Variants in OPHN1 observed in about 807,000 individuals in gnomAD.
The protein encoded by OPHN1 is oligophrenin 1.
A neutral mutation model predicts 60.7 loss-of-function variants in OPHN1; 11 were observed. That is an observed-to-expected ratio of 0.18 (90% CI 0.11 to 0.30). The LOEUF is 0.30. OPHN1 is among the 10% of genes least tolerant of loss of function. The pLI is 1.00. For synonymous variants in OPHN1, 226 were observed against 222.6 expected (o/e 1.02, Z -0.14); for missense variants, 449 against 611.0 (o/e 0.73, Z 2.80).
intron 15 of OPHN1, among the ~76,000 whole-genome samples, chrX:68,131,627 C>T (rs913488310): frequency 9.0e-6 from 1 of 111,694 alleles, no homozygotes; most frequent in Non-Finnish European, 1.9e-5. Context: ...AAAATACAGG[C>T]GATGTATATA....
At chrX:68,136,943 C>T (rs895135655) in intron 15 of OPHN1, among the ~76,000 whole-genome samples, 17 of 111,804 alleles carry the variant, frequency 1.5e-4, no homozygotes, top group Admixed American at 1.5e-3. Flanking sequence ...TGAGGAAGTG[C>T]ATATGGGAAG....
At chrX:68,306,189 A>G (rs187097169) in intron 2 of OPHN1, among the ~76,000 whole-genome samples, 73 of 111,552 alleles carry the variant, frequency 6.5e-4, no homozygotes, top group African/African-American at 2.3e-3. Context: ...AATGCATCCA[A>G]ATATTGGCTT....
At chrX:68,115,851 G>T (rs2077124753) in intron 16 of OPHN1, among the ~76,000 whole-genome samples, 1 of 111,986 alleles carries the variant, frequency 8.9e-6, no homozygotes, top group Admixed American at 9.4e-5. Context: ...CAGCCCTCAG[G>T]AGGTCCTGAG....
At chrX:68,306,590 C>T (rs2078146136) in intron 2 of OPHN1, among the ~76,000 whole-genome samples, 1 of 111,857 alleles carries the variant, frequency 8.9e-6, no homozygotes, top group Non-Finnish European at 1.9e-5. Flanking sequence ...AAAATAATGT[C>T]CAGTATAAAG....
At chrX:68,186,071 T>C (rs1011347049) in intron 15 of OPHN1, among the ~76,000 whole-genome samples, 13 of 111,149 alleles carry the variant, frequency 1.2e-4, no homozygotes, top group Non-Finnish European at 9.4e-5. Context: ...CCAGTGAGGA[T>C]CAACAGAATC....
At chrX:68,252,968 T>C (rs962484845) in intron 5 of OPHN1, among the ~76,000 whole-genome samples, 5 of 110,826 alleles carry the variant, frequency 4.5e-5, no homozygotes, top group Non-Finnish European at 5.7e-5. Context: ...TCCTCGAAGA[T>C]TGCTGTGCCT....
At chrX:68,200,435 C>T (rs2077530493) in intron 11 of OPHN1, among the ~76,000 whole-genome samples, 1 of 111,416 alleles carries the variant, frequency 9.0e-6, no homozygotes. Flanking sequence ...CTGTTTGCAA[C>T]TGCTTGAGTT....
chrX:68,067,883 G>C (rs1394590186), intron 20 of OPHN1, among the ~76,000 whole-genome samples: 2 of 111,803 alleles, frequency 1.8e-5, no homozygotes, highest in Admixed American at 1.9e-4. Context: ...GTTATAGGAA[G>C]TGTGATATTA....
At chrX:68,189,340 T>C (rs758857353) in intron 15 of OPHN1, among the ~76,000 whole-genome samples, 1 of 112,398 alleles carries the variant, frequency 8.9e-6, no homozygotes, top group African/African-American at 3.2e-5. Context: ...ACTCTTTTTT[T>C]ATGATTTAAA....
chrX:68,063,407 G>C (rs750880126), intron 21 of OPHN1, among the ~76,000 whole-genome samples: 2 of 109,627 alleles, frequency 1.8e-5, no homozygotes, highest in African/African-American at 6.6e-5. Context: ...TGTAGTCCCA[G>C]CTACTCAGGA....
chrX:68,320,738 G>A (rs2078231524), intron 2 of OPHN1, among the ~76,000 whole-genome samples: 1 of 110,791 alleles, frequency 9.0e-6, no homozygotes, highest in African/African-American at 3.3e-5. Flanking sequence ...TGGGGGCTCG[G>A]TACCACAACA....
rs536490670 is a variant in OPHN1, at chrX:68,396,267, CA to C, written c.154+36599del. Among the ~76,000 whole-genome samples, 273 of 64,672 alleles carry C rather than the reference CA, an allele frequency of 4.2e-3. 2 individuals are homozygous for C. Among genetic ancestry groups the C allele is most frequent in the African/African-American group, 6.9e-3 (119 of 17,160 alleles). 56.2% of individuals were successfully genotyped at this position (64,672 alleles called of 115,157 possible). A position where few individuals can be genotyped will look rare whatever the true frequency, so the allele number is the denominator to read the frequency against. ...GGGAAACATAGTGAGGCTGTCTCTA[CA>C]AAAAAAAAAAAAATAGCCTGGCACG... On this transcript the variant is annotated intron_variant, in intron 2 of 24. Transcript: ENST00000355520.
rs188963368 is a variant in OPHN1 at position 68,182,059 on chromosome X, G to A, written c.1276+10860C>T. Among the ~76,000 whole-genome samples, 110 of 110,933 alleles carry A rather than the reference G, an allele frequency of 9.9e-4. 1 individual carries two copies. Among genetic ancestry groups the A allele is most frequent in the Middle Eastern group, 4.6e-3 (1 of 216 alleles). Reference sequence around the variant, plus strand: ...TGGCTTGATAGTGGTAGGATCTCCCGGACGACTGGTGGGTACATATGGACA... The same window carrying A: ...TGGCTTGATAGTGGTAGGATCTCCCAGACGACTGGTGGGTACATATGGACA... On this transcript the variant is annotated intron_variant, in intron 15 of 24. Coordinates refer to ENST00000355520, the MANE Select transcript of OPHN1 (RefSeq NM_002547.3).
intron 7 of OPHN1, among the ~76,000 whole-genome samples, 154 bp from the exon 8 acceptor site, chrX:68,212,366 C>T (rs1248802368): frequency 9.0e-6 from 1 of 111,506 alleles, no homozygotes; most frequent in East Asian, 2.8e-4. Context: ...GCGGGCAGAT[C>T]GTGAGGTCAG....
chrX:68,064,397 G>A (rs1488129534), intron 20 of OPHN1, among the ~76,000 whole-genome samples: 2 of 110,923 alleles, frequency 1.8e-5, no homozygotes, highest in African/African-American at 3.3e-5. Flanking sequence ...CAAGATCCGC[G>A]TATGATTTTC....
chrX:68,239,198 T>C lies in OPHN1; in HGVS notation c.385-4610A>G, dbSNP rs777984593. Among the ~76,000 whole-genome samples, 5 of 106,710 alleles carry C rather than the reference T, an allele frequency of 4.7e-5. No homozygotes were observed. The South Asian group carries it at 2.3e-3, about 49-fold the overall frequency. The allele number at this position is 106,710 out of a possible 115,157, so 92.7% of individuals were successfully genotyped here. A position where few individuals can be genotyped will look rare whatever the true frequency, so the allele number is the denominator to read the frequency against. ...GAACTCAGCGTCTTCCCGCCATAGA[T>C]GACCTGCTGGCAACTGCTGGTGTCT... On this transcript the variant is annotated intron_variant, in intron 5 of 24. Coordinates refer to ENST00000355520, the MANE Select transcript of OPHN1 (RefSeq NM_002547.3).
chrX:68,327,828 T>TC (rs1429454227), intron 2 of OPHN1, among the ~76,000 whole-genome samples: 4 of 100,418 alleles, frequency 4.0e-5, no homozygotes, highest in Admixed American at 1.0e-4. Context: ...TTTTAAACTT[T>TC]TTTTTTTTTT....
At chrX:68,167,970 G>C (rs1034103887) in intron 15 of OPHN1, among the ~76,000 whole-genome samples, 2 of 110,856 alleles carry the variant, frequency 1.8e-5, no homozygotes, top group Admixed American at 1.9e-4. Context: ...AAATAAGCCA[G>C]GCACAAAAAG....
intron 5 of OPHN1, among the ~76,000 whole-genome samples, chrX:68,264,753 G>A (rs1487717033): frequency 1.8e-5 from 2 of 112,461 alleles, no homozygotes; most frequent in Non-Finnish European, 1.9e-5. Context: ...GGAAGTGCAA[G>A]GGGTCAGGGA....
Sources: allele counts gnomAD v4.1 joint callset (sites outside exome capture counted in the v4.1 genomes callset), GRCh38; gene constraint gnomAD v4.1.1; transcripts MANE v1.5; gene names NCBI Gene and HGNC (gene_info 2026-07-23, HGNC 2026-07-21).